Variants in PHACTR1 observed in about 807,000 individuals in gnomAD.
PHACTR1 encodes the protein RPEL repeat containing 1.
A neutral mutation model predicts 69.2 loss-of-function variants in PHACTR1; 16 were observed. The ratio of observed to expected loss-of-function variants is 0.23; its 90% confidence interval spans 0.16 to 0.35. The LOEUF (loss-of-function observed/expected upper bound fraction) is 0.35, where lower values mean the gene tolerates loss of function less well. PHACTR1 is among the 10% of genes least tolerant of loss of function. PHACTR1 has a pLI of 1.00. For synonymous variants in PHACTR1, 312 were observed against 284.5 expected, an observed-to-expected ratio of 1.10 and a Z score of -0.97; for missense variants, 510 against 734.7, an observed-to-expected ratio of 0.69 and a Z score of 3.54.
chr6:12,929,569 C>A (rs569100125), intron 4 of PHACTR1, among the ~76,000 whole-genome samples: 92 of 152,292 alleles, frequency 6.0e-4, no homozygotes, highest in African/African-American at 1.5e-3. Context: ...AAGGAAGACA[C>A]AACAACAAGG....
At chr6:12,861,375 A>G (rs1313238777) in intron 4 of PHACTR1, among the ~76,000 whole-genome samples, 1 of 152,210 alleles carries the variant, frequency 6.6e-6, no homozygotes, top group Non-Finnish European at 1.5e-5. Context: ...AAACAACAAA[A>G]ACAATAATAA....
At chr6:12,879,615 C>T (rs1479791226) in intron 4 of PHACTR1, among the ~76,000 whole-genome samples, 2 of 152,142 alleles carry the variant, frequency 1.3e-5, no homozygotes, top group Non-Finnish European at 2.9e-5. Flanking sequence ...TAGGTCAACA[C>T]TAACTCGTAA....
Position 12,718,847 on chromosome 6 carries a change from G to T in PHACTR1, c.103G>T (p.Ala35Ser). 6.5e-7 allele frequency: 1 copy of T among 1,529,242 alleles called. No homozygotes were observed. Among genetic ancestry groups the T allele is most frequent in the Non-Finnish European group, 8.9e-7 (1 of 1,128,294 alleles). 94.7% of individuals were successfully genotyped at this position (1,529,242 alleles called of 1,614,324 possible). A position where few individuals can be genotyped will look rare whatever the true frequency, so the allele number is the denominator to read the frequency against. Reference sequence around the variant, plus strand: ...ATTCTTCTACAGTCAAGGAGCTCAAGGTAATAAAATAAGAAAAAGAAATTC... The same window carrying T: ...ATTCTTCTACAGTCAAGGAGCTCAATGTAATAAAATAAGAAAAAGAAATTC... The part of the protein sequence containing the change: ...QRFFYSQGAQ[A>S]RRATLLLPPT... Residue 35 changes from alanine to serine, a missense_variant and splice_region_variant, in exon 3 of 15, where the codon GCT becomes TCT. Around this residue, in one of 2 missense-constraint regions of PHACTR1, gnomAD observed 419 missense variants for 530.9 expected, o/e 0.79. Coordinates refer to ENST00000332995, the MANE Select transcript of PHACTR1 (RefSeq NM_030948.6).
Position 12,813,060 on chromosome 6 carries a change from ATAG to A in PHACTR1, c.250+63273_250+63275del, listed in dbSNP as rs1303059485. Among the ~76,000 whole-genome samples, 12 of 152,304 alleles carry A rather than the reference ATAG, an allele frequency of 7.9e-5. No individual in the cohort carries two copies. The East Asian group carries it at 2.1e-3, about 27-fold the overall frequency. ...GTTGTGAAGCTTTGTCAACTAGGAGATAGTAAAAACAATTAAAAATTCAAATTA... is the reference window on the plus strand; with the variant it reads ...GTTGTGAAGCTTTGTCAACTAGGAGATAAAAACAATTAAAAATTCAAATTA... On this transcript the variant is annotated intron_variant, in intron 4 of 14. Transcript: ENST00000332995.
chr6:12,763,655 C>A (rs1768285084), intron 4 of PHACTR1, among the ~76,000 whole-genome samples: 1 of 152,196 alleles, frequency 6.6e-6, no homozygotes, highest in African/African-American at 2.4e-5. Flanking sequence ...AACTTTAGTT[C>A]TCTCCTATTG....
intron 4 of PHACTR1, among the ~76,000 whole-genome samples, chr6:12,996,918 C>A (rs537744088): frequency 2.0e-5 from 3 of 152,322 alleles, no homozygotes; most frequent in African/African-American, 4.8e-5. Context: ...GTAATCCCAG[C>A]ACCTTGGGAG....
chr6:13,224,242 AC>A (rs1476967296), intron 8 of PHACTR1, among the ~76,000 whole-genome samples: 5 of 152,226 alleles, frequency 3.3e-5, no homozygotes, highest in Admixed American at 6.5e-5. Context: ...TAGTAAGCAA[AC>A]AGATGATCAT....
chr6:13,152,925 C>T (rs1757643825), intron 5 of PHACTR1, among the ~76,000 whole-genome samples: 2 of 151,308 alleles, frequency 1.3e-5, no homozygotes, highest in South Asian at 4.2e-4. Context: ...GATTGGCCAG[C>T]AGGAACACTT....
intron 4 of PHACTR1, among the ~76,000 whole-genome samples, chr6:12,823,904 TCCTGA>T (rs1461421720): frequency 4.6e-5 from 7 of 152,188 alleles, no homozygotes; most frequent in Non-Finnish European, 1.0e-4. Context: ...TTTCATACAT[TCCTGA>T]ATTATATTTT....
In PHACTR1 at chr6:13,017,723, G is replaced by T. The variant is rs894372461; in HGVS notation, c.251-35642G>T. ...TCCTTTTGAGTCCATTAATAGTGAA[G>T]AATAATTTTAGGAATTATAATATAT... On this transcript the variant is annotated intron_variant, in intron 4 of 14. Transcript: ENST00000332995. Among the ~76,000 whole-genome samples, 11 of 151,974 alleles carry T rather than the reference G, an allele frequency of 7.2e-5. No individual in the cohort carries two copies. The South Asian group carries it at 1.0e-3, about 14-fold the overall frequency.
chr6:13,182,467 T>C, intron 6 of PHACTR1, 52 bp from the exon 7 acceptor site: 1 of 1,592,724 alleles, frequency 6.3e-7, no homozygotes, highest in African/African-American at 1.3e-5. Context: ...TGCCACTCTT[T>C]CTTGAAAGGC....
At chr6:12,922,044 A>G (rs956322876) in intron 4 of PHACTR1, among the ~76,000 whole-genome samples, 14 of 152,192 alleles carry the variant, frequency 9.2e-5, no homozygotes, top group African/African-American at 3.1e-4. Context: ...TCAAAAGGAG[A>G]TGATCACTTT....
At chr6:13,168,703 G>A (rs1445514088) in intron 6 of PHACTR1, among the ~76,000 whole-genome samples, 1 of 152,132 alleles carries the variant, frequency 6.6e-6, no homozygotes, top group Non-Finnish European at 1.5e-5. Flanking sequence ...GAACCCTGCG[G>A]GGTGAGTAAG....
chr6:13,051,265 G>A lies in PHACTR1; in HGVS notation c.251-2100G>A, dbSNP rs1188912929. Among the ~76,000 whole-genome samples the A allele has an allele frequency of 2.0e-5, 3 of 152,062 alleles. No homozygotes were observed. The East Asian group carries it at 5.8e-4, about 29-fold the overall frequency. On this transcript the variant is annotated intron_variant, in intron 4 of 14. Coordinates refer to ENST00000332995, the MANE Select transcript of PHACTR1 (RefSeq NM_030948.6). ...CCCTTCACCCTACCTCTGCATGTGAGCTCTATGAGTTGGTATTTTTATTTG... is the reference window on the plus strand; with the variant it reads ...CCCTTCACCCTACCTCTGCATGTGAACTCTATGAGTTGGTATTTTTATTTG...
At chr6:13,137,876 A>G (rs1440227987) in intron 5 of PHACTR1, among the ~76,000 whole-genome samples, 3 of 152,278 alleles carry the variant, frequency 2.0e-5, no homozygotes, top group African/African-American at 4.8e-5. Context: ...ATCTCAAGAC[A>G]TGCTAAGGAA....
intron 8 of PHACTR1, among the ~76,000 whole-genome samples, chr6:13,218,999 T>G (rs1292436533): frequency 6.6e-6 from 1 of 151,852 alleles, no homozygotes; most frequent in Non-Finnish European, 1.5e-5. Context: ...TTAACAGAGT[T>G]AAAGAGAAGA....
chr6:12,921,815 C>A (rs1381484775), intron 4 of PHACTR1, among the ~76,000 whole-genome samples: 15 of 3,796 alleles, frequency 4.0e-3, no homozygotes, highest in African/African-American at 5.1e-3. Context: ...AGGGAGGGAG[C>A]AAGGGGGAAG....
At chr6:13,069,541 A>C (rs1200101970) in intron 5 of PHACTR1, among the ~76,000 whole-genome samples, 1 of 151,818 alleles carries the variant, frequency 6.6e-6, no homozygotes, top group East Asian at 1.9e-4. Context: ...ACTTCTCTTC[A>C]TGTTCAACAT....
At chr6:13,160,738 C>T (rs1314733186) in intron 6 of PHACTR1, among the ~76,000 whole-genome samples, 1 of 151,948 alleles carries the variant, frequency 6.6e-6, no homozygotes, top group Non-Finnish European at 1.5e-5. Context: ...CATCTTGCCA[C>T]AATAGAATAA....
Sources: gnomAD v4.1 joint callset for allele counts (sites outside exome capture counted in the v4.1 genomes callset) on GRCh38, gnomAD v4.1.1 for gene constraint, gnomAD v4.1.1 regional missense constraint, MANE v1.5 for transcripts, NCBI Gene and HGNC (gene_info 2026-07-23, HGNC 2026-07-21) for gene names.